TIMD4: variants seen among roughly 807,000 people sequenced by gnomAD.
TIMD4 encodes the protein T cell immunoglobulin and mucin domain containing 4.
TIMD4 carries 31 observed loss-of-function variants against 41.2 expected under a neutral mutation model. The ratio of observed to expected loss-of-function variants is 0.75; its 90% CI spans 0.57 to 1.01. The LOEUF (loss-of-function observed/expected upper bound fraction) is 1.01, where lower values mean the gene tolerates loss of function less well. Among genes scored for constraint, TIMD4 ranks in the 50% least tolerant of loss-of-function variants. The pLI is 0.00. For missense variants in TIMD4, 479 were observed against 472.5 expected, an observed-to-expected ratio of 1.01 and a Z score of -0.13; for synonymous variants, 204 against 177.1, an observed-to-expected ratio of 1.15 and a Z score of -1.21.
At chr5:156,937,437 G>A (rs80126328) in intron 5 of TIMD4, among the ~76,000 whole-genome samples, 4 of 152,080 alleles carry the variant, frequency 2.6e-5, no homozygotes, top group Admixed American at 1.3e-4. Flanking sequence ...TATTCTACCC[G>A]CTGTGAAATC....
At chr5:156,946,028 A>G (rs935095938) in intron 5 of TIMD4, among the ~76,000 whole-genome samples, 1 of 152,212 alleles carries the variant, frequency 6.6e-6, no homozygotes, top group Non-Finnish European at 1.5e-5. Context: ...CCAGAGCAGC[A>G]AGTGTTCTCT....
Position 156,954,670 on chromosome 5 carries a change from T to G in TIMD4, c.145A>C (p.Ser49Arg). 6.2e-7 allele frequency: 1 copy of G among 1,614,222 alleles called. No individual in the cohort carries two copies. Among genetic ancestry groups the G allele is most frequent in the African/African-American group, 1.3e-5 (1 of 75,036 alleles). ...TCTTTCCCCCAGCACATGCTGTTGC[T>G]GTTGTGAGACCAGGATGAGTACAGA... ...PCLYSSWSHN[S>R]NSMCWGKDQC... The change falls in exon 2 of 9, where the codon AGC becomes CGC. Residue 49 changes from serine (S) to arginine (R), a missense_variant. Coordinates refer to ENST00000274532, the MANE Select transcript of TIMD4 (RefSeq NM_138379.3).
At chr5:156,949,462 C>G (rs764806712) in intron 4 of TIMD4, among the ~76,000 whole-genome samples, 189 bp downstream of exon 4, 1 of 151,830 alleles carries the variant, frequency 6.6e-6, no homozygotes, top group Admixed American at 6.6e-5. Flanking sequence ...CCTTCTCTCT[C>G]TCTCTCTCTC....
intron 1 of TIMD4, among the ~76,000 whole-genome samples, chr5:156,961,833 A>AAG (rs1581639423): frequency 6.8e-6 from 1 of 146,710 alleles, no homozygotes; most frequent in Non-Finnish European, 1.5e-5. Flanking sequence ...AAAAAAAAAA[A>AAG]AAAGAAAGAA....
chr5:156,953,833 T>C (rs147105295), intron 2 of TIMD4, among the ~76,000 whole-genome samples: 2 of 152,206 alleles, frequency 1.3e-5, no homozygotes, highest in East Asian at 1.9e-4. Flanking sequence ...AAGGTAATTA[T>C]TGTTAGCATT....
chr5:156,922,828 T>C (rs1317300477), intron 6 of TIMD4, among the ~76,000 whole-genome samples: 2 of 152,212 alleles, frequency 1.3e-5, no homozygotes, highest in Non-Finnish European at 2.9e-5. Flanking sequence ...TTAATGAGAT[T>C]TGCAAAAAAT....
At chr5:156,925,669 G>A (rs2113343723) in intron 6 of TIMD4, among the ~76,000 whole-genome samples, 1 of 152,288 alleles carries the variant, frequency 6.6e-6, no homozygotes. Flanking sequence ...CATGAACTCT[G>A]GGTCACGCAG....
intron 5 of TIMD4, among the ~76,000 whole-genome samples, chr5:156,928,585 TA>T (rs1405582355): frequency 6.6e-6 from 1 of 152,156 alleles, no homozygotes; most frequent in Non-Finnish European, 1.5e-5. Context: ...CCTAAGCTAA[TA>T]ATTAATGAAA....
intron 5 of TIMD4, among the ~76,000 whole-genome samples, chr5:156,937,262 C>A (rs970060530): frequency 1.3e-5 from 2 of 152,170 alleles, no homozygotes; most frequent in African/African-American, 4.8e-5. Flanking sequence ...GGTTCCACTT[C>A]TTTTCCTCTC....
chr5:156,927,097 C>T (rs1017715469), intron 5 of TIMD4, among the ~76,000 whole-genome samples: 1 of 152,190 alleles, frequency 6.6e-6, no homozygotes, highest in Non-Finnish European at 1.5e-5. Flanking sequence ...AGTGATGGAG[C>T]ACACAGGCTG....
chr5:156,927,475 G>A (rs1759369007), intron 5 of TIMD4, among the ~76,000 whole-genome samples: 1 of 152,188 alleles, frequency 6.6e-6, no homozygotes, highest in African/African-American at 2.4e-5. Flanking sequence ...AGCCAATCAG[G>A]GAAGGCCTTT....
chr5:156,921,495 C>G (rs926550642), intron 7 of TIMD4, among the ~76,000 whole-genome samples: 1 of 151,656 alleles, frequency 6.6e-6, no homozygotes, highest in Non-Finnish European at 1.5e-5. Flanking sequence ...TGGCGTGAAC[C>G]TGTAGTCTCA....
intron 5 of TIMD4, among the ~76,000 whole-genome samples, chr5:156,946,562 C>T (rs555309312): frequency 9.0e-4 from 137 of 152,160 alleles, no homozygotes; most frequent in Middle Eastern, 3.4e-3. Context: ...CTGCAAGCTC[C>T]GCCTCCCAGG....
At position 156,922,083 on chromosome 5, in the gene TIMD4, G is replaced by A; in HGVS notation, c.1012+16C>T. On this transcript the variant is annotated intron_variant, in intron 7 of 8. Coordinates refer to ENST00000274532, the MANE Select transcript of TIMD4 (RefSeq NM_138379.3). The stretch of plus-strand genomic sequence containing the variant: ...AGGGTTCTGAAGTGCTCCATCACCT[G>A]GCCCTCCCTCCTTACCTCTCAGGAG... The A allele has an allele frequency of 6.2e-7, 1 of 1,603,210 alleles. No individual in the cohort carries two copies. Among genetic ancestry groups the A allele is most frequent in the South Asian group, 1.1e-5 (1 of 90,298 alleles).
At chr5:156,939,071 T>C (rs1759593559) in intron 5 of TIMD4, among the ~76,000 whole-genome samples, 1 of 152,184 alleles carries the variant, frequency 6.6e-6, no homozygotes, top group East Asian at 1.9e-4. Flanking sequence ...TTTGCACCTC[T>C]TCACCTCTCT....
intron 6 of TIMD4, 118 bp from the exon 7 acceptor site, chr5:156,922,334 C>CT (rs774589967): frequency 2.9e-5 from 25 of 873,626 alleles, no homozygotes; most frequent in Non-Finnish European, 1.8e-5. Context: ...ATTTCACCAC[C>CT]TTTTGTCAAA....
chr5:156,932,608 G>A (rs1373603266), intron 5 of TIMD4, among the ~76,000 whole-genome samples: 4 of 152,212 alleles, frequency 2.6e-5, no homozygotes. Flanking sequence ...AGTTAGGTAA[G>A]ATGTGATCAT....
intron 5 of TIMD4, among the ~76,000 whole-genome samples, chr5:156,928,443 G>A (rs1759387351): frequency 6.6e-6 from 1 of 152,146 alleles, no homozygotes; most frequent in African/African-American, 2.4e-5. Context: ...CAGAAAGTAA[G>A]AGCAGTATCA....
chr5:156,946,953 T>C (rs920764960), intron 5 of TIMD4, among the ~76,000 whole-genome samples: 55 of 151,800 alleles, frequency 3.6e-4, no homozygotes, highest in Admixed American at 1.1e-3. Flanking sequence ...ACCCCAGCAC[T>C]TTGGGAGGCC....
Sources: allele counts gnomAD v4.1 joint callset (sites outside exome capture counted in the v4.1 genomes callset), GRCh38; gene constraint gnomAD v4.1.1; transcripts MANE v1.5; gene names NCBI Gene and HGNC (gene_info 2026-07-23, HGNC 2026-07-21).